Variants in MRPL35 observed in about 807,000 individuals in gnomAD.
MRPL35 encodes the protein large ribosomal subunit protein bL35m.
In MRPL35, 18 loss-of-function variants were observed where a neutral mutation model predicts 21.6. The ratio of observed to expected loss-of-function variants is 0.83; its 90% CI spans 0.58 to 1.24. MRPL35 has a LOEUF of 1.24. Ranked by LOEUF, MRPL35 falls within the 50% of genes most tolerant of loss-of-function variation. MRPL35 has a pLI of 0.00. For missense variants in MRPL35, 223 were observed against 223.2 expected, an observed-to-expected ratio of 1.00 and a Z score of 0.01; for synonymous variants, 87 against 86.9, an observed-to-expected ratio of 1.00 and a Z score of -0.01.
chr2:86,207,628 C>A (rs539745299), intron 3 of MRPL35, among the ~76,000 whole-genome samples: 125 of 152,020 alleles, frequency 8.2e-4, no homozygotes, highest in African/African-American at 2.9e-3. Flanking sequence ...AGCGAGACTC[C>A]GTCTCAAAAA....
rs575363790 is a variant in MRPL35, at chr2:86,207,334, C to G, written c.378+7C>G. 1.2e-6 allele frequency: 2 copies of G among 1,607,020 alleles called. No individual in the cohort carries two copies. Among genetic ancestry groups the G allele is most frequent in the South Asian group, 2.2e-5 (2 of 89,914 alleles). ...CCTTTGGGTGAGGAGAAAGGTGAGT[C>G]TTCACACTGTTACTAAATTGAAAAA... is the stretch of plus-strand genomic sequence containing the variant. On this transcript the variant is annotated splice_region_variant and intron_variant, in intron 3 of 3. Transcript: ENST00000337109.
At position 86,212,506 on chromosome 2, in the gene MRPL35, T is replaced by C. The variant is rs1322403718; in HGVS notation, c.*1838T>C. 1.4e-5 allele frequency: 22 copies of C among 1,606,886 alleles called. No individual in the cohort carries two copies. Among genetic ancestry groups the C allele is most frequent in the Admixed American group, 6.8e-5 (4 of 58,408 alleles). ...TGCTCTCTGATGTACCTCTGGGTAG[T>C]GAGATGGAAATGGTGCCTGCAGAAG... On this transcript the variant is annotated 3_prime_UTR_variant, in exon 4 of 4. Transcript: ENST00000337109.
Position 86,210,954 on chromosome 2 carries a change from C to A in MRPL35, c.*286C>A. Reference sequence around the variant, plus strand: ...TAGTTGCAAGGAATCTCAAGTGGGACAAACATAAAAAGACTCAAAAGCTAC... The same window carrying A: ...TAGTTGCAAGGAATCTCAAGTGGGAAAAACATAAAAAGACTCAAAAGCTAC... On this transcript the variant is annotated 3_prime_UTR_variant, in exon 4 of 4. Coordinates refer to ENST00000337109, the MANE Select transcript of MRPL35 (RefSeq NM_016622.4). 1 of 1,047,904 alleles carries A rather than the reference C, an allele frequency of 9.5e-7. No individual in the cohort carries two copies. The highest frequency in any genetic ancestry group is 1.1e-6 in the Non-Finnish European group (1 of 870,340). 64.9% of individuals were successfully genotyped at this position (1,047,904 alleles called of 1,614,324 possible).
At chr2:86,210,324 C>T (rs1235439198) in intron 3 of MRPL35, among the ~76,000 whole-genome samples, 156 bp from the exon 4 acceptor site, 1 of 148,088 alleles carries the variant, frequency 6.8e-6, no homozygotes, top group Non-Finnish European at 1.5e-5. Context: ...CCCTCCCTTC[C>T]CCCGGCCATT....
Position 86,211,341 on chromosome 2 carries a change from G to C in MRPL35, c.*673G>C, listed in dbSNP as rs1673898626. 3.2e-5 allele frequency: 30 copies of C among 951,136 alleles called. 1 individual carries two copies. In the South Asian group the frequency reaches 1.5e-3, roughly 46 times the overall value. 58.9% of individuals were successfully genotyped at this position (951,136 alleles called of 1,614,324 possible). On this transcript the variant is annotated 3_prime_UTR_variant, in exon 4 of 4. Transcript: ENST00000337109. ...TCCAATTGCCAAGGGAATTTAACTGGGCCAGACTACCTTTTTATACTAGGT... is the reference window on the plus strand; with the variant it reads ...TCCAATTGCCAAGGGAATTTAACTGCGCCAGACTACCTTTTTATACTAGGT...
rs996610769 is a variant in MRPL35, at chr2:86,210,602, G to C, written c.501G>C (p.Lys167Asn). The C allele has an allele frequency of 1.2e-6, 2 of 1,614,034 alleles. No homozygotes were observed. The highest frequency in any genetic ancestry group is 2.7e-5 in the African/African-American group (2 of 75,060). ...ATAAAATGACGACGTCCTTCTGGAA[G>C]AGGCGAAACTGGTACGTTGATGATC... The part of the protein sequence containing the change: ...LLDKMTTSFW[K>N]RRNWYVDDPY... Residue 167 changes from lysine (K) to asparagine (N), a missense_variant, in exon 4 of 4, where the codon AAG (lysine) becomes AAC (asparagine). Transcript: ENST00000337109.
At chr2:86,206,464 C>A (rs574412023) in intron 2 of MRPL35, among the ~76,000 whole-genome samples, 169 bp downstream of exon 2, 1 of 152,292 alleles carries the variant, frequency 6.6e-6, no homozygotes, top group East Asian at 1.9e-4. Flanking sequence ...TCCTAAGTAG[C>A]TGGAAAGTTC....
Position 86,207,276 on chromosome 2 carries a change from T to A in MRPL35, c.327T>A (p.Ala109=). ...ARKGKRKTVK[A]VIDRFLRLHC... is the part of the protein sequence containing the mutation. Reference sequence around the variant, plus strand: ...AAGGCAAGAGAAAGACCGTGAAAGCTGTCATCGATAGGTTTCTTCGACTTC... The same window carrying A: ...AAGGCAAGAGAAAGACCGTGAAAGCAGTCATCGATAGGTTTCTTCGACTTC... The change falls in exon 3 of 4, where the codon GCT becomes GCA. Residue 109 remains alanine (A), a synonymous_variant. Coordinates refer to ENST00000337109, the MANE Select transcript of MRPL35 (RefSeq NM_016622.4). The A allele has an allele frequency of 6.2e-7, 1 of 1,614,062 alleles. No individual in the cohort carries two copies. Among genetic ancestry groups the A allele is most frequent in the East Asian group, 2.2e-5 (1 of 44,878 alleles).
Position 86,206,242 on chromosome 2 carries a change from T to TA in MRPL35, c.181dup (p.Thr61AsnfsTer4), listed in dbSNP as rs1673787257. 1.2e-6 allele frequency: 2 copies of TA among 1,613,668 alleles called. No homozygotes were observed. The highest frequency in any genetic ancestry group is 1.7e-6 in the Non-Finnish European group (2 of 1,179,656). ...CAGTTGTTTCCTCCACTCCCAGACT[T>TA]ACCACATCTGAGAGAAACCTGACAT... On this transcript the variant is annotated frameshift_variant, in exon 2 of 4. Transcript: ENST00000337109. LOFTEE classifies it high-confidence loss of function.
intron 1 of MRPL35, among the ~76,000 whole-genome samples, chr2:86,202,270 A>G (rs1673699282): frequency 6.6e-6 from 1 of 152,228 alleles, no homozygotes; most frequent in Admixed American, 6.5e-5. Flanking sequence ...TTTATTCCTG[A>G]TTTCATCTTG....
In MRPL35 at chr2:86,211,595, G is replaced by C; in HGVS notation, c.*927G>C. On this transcript the variant is annotated 3_prime_UTR_variant, in exon 4 of 4. Transcript: ENST00000337109. ...TCATAGGAGAGTAAATAGCCCTTCA[G>C]CATGCTCATTCATGAAACAGAAGAG... The C allele has an allele frequency of 6.1e-6, 6 of 985,410 alleles. No individual in the cohort carries two copies. The highest frequency in any genetic ancestry group is 7.2e-6 in the Non-Finnish European group (6 of 829,940). The allele number at this position is 985,410 out of a possible 1,614,324, so 61.0% of individuals were successfully genotyped here. A position where few individuals can be genotyped will look rare whatever the true frequency, so the allele number is the denominator to read the frequency against.
At chr2:86,204,119 G>C (rs1673742248) in intron 1 of MRPL35, among the ~76,000 whole-genome samples, 1 of 151,944 alleles carries the variant, frequency 6.6e-6, no homozygotes, top group East Asian at 1.9e-4. Context: ...TGAGTAGCTG[G>C]GATTATAGGC....
rs1673889423 is a variant in MRPL35 at position 86,210,769 on chromosome 2, T to G, written c.*101T>G. ...CAAAACTTGATGTAAATTGTACCAA[T>G]GAATACGTAAACATACAGTGACAAC... On this transcript the variant is annotated 3_prime_UTR_variant, in exon 4 of 4. Transcript: ENST00000337109. 2.1e-6 allele frequency: 3 copies of G among 1,449,642 alleles called. No homozygotes were observed. Among genetic ancestry groups the G allele is most frequent in the Admixed American group, 4.9e-5 (2 of 41,168 alleles). The allele number at this position is 1,449,642 out of a possible 1,614,324, so 89.8% of individuals were successfully genotyped here. A position where few individuals can be genotyped will look rare whatever the true frequency, so the allele number is the denominator to read the frequency against.
Position 86,213,713 on chromosome 2 carries a change from G to A in MRPL35, c.*3045G>A, listed in dbSNP as rs1391755047. 3.7e-5 allele frequency: 56 copies of A among 1,528,864 alleles called. No individual in the cohort carries two copies. The East Asian group carries it at 1.3e-3, about 34-fold the overall frequency. The allele number at this position is 1,528,864 out of a possible 1,614,324, so 94.7% of individuals were successfully genotyped here. ...TGTTTGCACAATTGAAACTCTACCAGTGGACTATTCTATTTTCACAGCTAC... is the reference window on the plus strand; with the variant it reads ...TGTTTGCACAATTGAAACTCTACCAATGGACTATTCTATTTTCACAGCTAC... On this transcript the variant is annotated 3_prime_UTR_variant, in exon 4 of 4. Coordinates refer to ENST00000337109, the MANE Select transcript of MRPL35 (RefSeq NM_016622.4).
chr2:86,208,068 A>T (rs1040295553), intron 3 of MRPL35, among the ~76,000 whole-genome samples: 1 of 152,194 alleles, frequency 6.6e-6, no homozygotes, highest in East Asian at 1.9e-4. Flanking sequence ...AACTTTCTTG[A>T]TGTTTGAAAG....
chr2:86,203,165 T>C (rs1477517296), intron 1 of MRPL35, among the ~76,000 whole-genome samples: 2 of 151,214 alleles, frequency 1.3e-5, no homozygotes, highest in East Asian at 3.9e-4. Flanking sequence ...CTGCAAGCTC[T>C]GCCTCCCAGG....
Position 86,206,101 on chromosome 2 carries a change from T to C in MRPL35, c.44-5T>C. 6.2e-7 allele frequency: 1 copy of C among 1,601,736 alleles called. No homozygotes were observed. Among genetic ancestry groups the C allele is most frequent in the South Asian group, 1.1e-5 (1 of 90,688 alleles). On this transcript the variant is annotated splice_polypyrimidine_tract_variant and splice_region_variant and intron_variant, in intron 1 of 3. Transcript: ENST00000337109. ...TATTAAATATATATGCTCCTATCTT[T>C]ACAGGAATCCTACGGCCCCTGAATA...
chr2:86,211,154 A>C lies in MRPL35; in HGVS notation c.*486A>C. The stretch of plus-strand genomic sequence containing the variant: ...ATGTTTAGGCTTGGGCTCTGCATGC[A>C]TGTGACTTGCTTCTTTTTGCATTGT... On this transcript the variant is annotated 3_prime_UTR_variant, in exon 4 of 4. Coordinates refer to ENST00000337109, the MANE Select transcript of MRPL35 (RefSeq NM_016622.4). 1 of 985,920 alleles carries C rather than the reference A, an allele frequency of 1.0e-6. No homozygotes were observed. The highest frequency in any genetic ancestry group is 1.2e-6 in the Non-Finnish European group (1 of 830,274). 61.1% of individuals were successfully genotyped at this position (985,920 alleles called of 1,614,324 possible). A position where few individuals can be genotyped will look rare whatever the true frequency, so the allele number is the denominator to read the frequency against.
At chr2:86,208,901 T>A (rs1673852546) in intron 3 of MRPL35, among the ~76,000 whole-genome samples, 1 of 152,234 alleles carries the variant, frequency 6.6e-6, no homozygotes. Context: ...GTATTTTCCA[T>A]GACACGGTTT....
Sources: gnomAD v4.1 joint callset for allele counts (sites outside exome capture counted in the v4.1 genomes callset) on GRCh38, gnomAD v4.1.1 for gene constraint, MANE v1.5 for transcripts, NCBI Gene and HGNC (gene_info 2026-07-23, HGNC 2026-07-21) for gene names.